Variants in SYT3 observed in about 807,000 individuals in gnomAD.
SYT3 encodes synaptotagmin 3.
SYT3 carries 25 observed loss-of-function variants against 50.6 expected under a neutral mutation model. The observed-to-expected ratio is 0.49, with a 90% CI of 0.36 to 0.69. The LOEUF is 0.69. Among genes scored for constraint, SYT3 ranks in the 30% least tolerant of loss-of-function variants. The pLI, the probability that SYT3 is intolerant of heterozygous loss-of-function variation, is 0.00. For missense variants in SYT3, 589 were observed against 793.6 expected (o/e 0.74, Z 3.10); for synonymous variants, 323 against 353.9 (o/e 0.91, Z 0.98).
At chr19:50,634,377 T>C (rs761411149) in intron 3 of SYT3, among the ~76,000 whole-genome samples, 1 of 152,228 alleles carries the variant, frequency 6.6e-6, no homozygotes, top group Non-Finnish European at 1.5e-5. Context: ...GGTTGCCTTC[T>C]GGTCCTGTAC....
upstream of SYT3, among the ~76,000 whole-genome samples, chr19:50,641,520 A>T (rs545550658): frequency 1.3e-5 from 2 of 151,596 alleles, no homozygotes; most frequent in Non-Finnish European, 2.9e-5. Context: ...ACTGCATTCC[A>T]TCCAGCCTGG....
At chr19:50,655,939 C>A in the SYT3 span, 1 of 1,002,728 alleles carries the variant, frequency 1.0e-6, no homozygotes, top group South Asian at 1.4e-5. Flanking sequence ...CAACATCTGG[C>A]ATACAAGCTA....
chr19:50,633,152 T>C (rs1984381898), intron 3 of SYT3, among the ~76,000 whole-genome samples: 1 of 151,448 alleles, frequency 6.6e-6, no homozygotes, highest in Admixed American at 6.6e-5. Context: ...TGGCTAACTT[T>C]TAAATTTTTC....
chr19:50,637,688 A>G lies in SYT3; in HGVS notation c.-15-262T>C. On this transcript the variant is annotated intron_variant, in intron 2 of 10. Transcript: ENST00000600079. The surrounding 1 kb of genome is among the most constrained non-coding windows in gnomAD (Gnocchi z 4.9). Reference sequence around the variant, plus strand: ...ATTAGGGATGGAGATAGTAGCAGGGACTGGGTAAGTCAAGGGGACAGAGAT... The same window carrying G: ...ATTAGGGATGGAGATAGTAGCAGGGGCTGGGTAAGTCAAGGGGACAGAGAT... 1 of 378,184 alleles carries G rather than the reference A, an allele frequency of 2.6e-6. No homozygotes were observed. The allele number at this position is 378,184 out of a possible 1,614,324, so 23.4% of individuals were successfully genotyped here.
At position 50,637,303 on chromosome 19, in the gene SYT3, T is replaced by C; in HGVS notation, c.109A>G (p.Asn37Asp). 2.5e-6 allele frequency: 4 copies of C among 1,613,372 alleles called. No homozygotes were observed. The highest frequency in any genetic ancestry group is 3.4e-6 in the Non-Finnish European group (4 of 1,179,874). The change falls in exon 3 of 11, where the codon AAT becomes GAT. Residue 37 changes from asparagine to aspartate, a missense_variant. Asn to Asp is a conservative substitution (Grantham distance 23). Transcript: ENST00000600079. This position sits in a 1 kb window ranked among gnomAD's most constrained non-coding sequence, Gnocchi z 4.9. ...ADTNDRCQEF[N>D]DRIRGYPRGP... ...CGGGGATAGCCTCGGATTCGGTCAT[T>C]GAACTCCTGGCACCTGTCGTTGGTG...
In SYT3 at chr19:50,625,262, C is replaced by T. The variant is rs548116502; in HGVS notation, c.1607G>A (p.Arg536His). 1.2e-5 allele frequency: 18 copies of T among 1,548,786 alleles called. No homozygotes were observed. Among genetic ancestry groups the T allele is most frequent in the Admixed American group, 3.9e-5 (2 of 50,974 alleles). The stretch of plus-strand genomic sequence containing the variant: ...CGGGTCGGCAGCGTCGGGGCCCACA[C>T]GGCACACGCCGATCACCTCGTTGTG... ...IGHNEVIGVC[R>H]VGPDAADPHG... Residue 536 changes from arginine to histidine, a missense_variant, in exon 9 of 11, where the codon CGT becomes CAT. Arg to His is a conservative substitution (Grantham distance 29). Transcript: ENST00000600079. The surrounding 1 kb of genome is among the most constrained non-coding windows in gnomAD (Gnocchi z 7.5).
At chr19:50,656,329 C>T in the SYT3 span, 1 of 1,536,008 alleles carries the variant, frequency 6.5e-7, no homozygotes, top group East Asian at 2.4e-5. Context: ...GCCCCTCTGC[C>T]TCTGCATGGA....
upstream of SYT3, among the ~76,000 whole-genome samples, chr19:50,642,536 T>A (rs1984698208): frequency 6.6e-6 from 1 of 152,162 alleles, no homozygotes; most frequent in African/African-American, 2.4e-5. Context: ...AATAATACTT[T>A]AAAAAATCAT....
At chr19:50,656,064 G>T in the SYT3 span, 8 of 1,536,022 alleles carry the variant, frequency 5.2e-6, no homozygotes, top group Middle Eastern at 1.7e-4. Context: ...CCTCCTTATG[G>T]ACCTGGAGAC....
the SYT3 span, among the ~76,000 whole-genome samples, chr19:50,648,627 C>G: frequency 4.0e-3 from 608 of 150,590 alleles, 2 homozygotes; most frequent in African/African-American, 0.014. Flanking sequence ...CCTCTCCTCC[C>G]TCAGACCCAG....
chr19:50,629,369 C>T lies in SYT3; in HGVS notation c.1206G>A (p.Val402=). 5 of 1,613,838 alleles carry T rather than the reference C, an allele frequency of 3.1e-6. No individual in the cohort carries two copies. Among genetic ancestry groups the T allele is most frequent in the Non-Finnish European group, 2.5e-6 (3 of 1,179,888 alleles). ...CGGCCAGCTCCAGGAGGTTGTCCAG[C>T]ACCACCTGGCCGATGAGGTCGTGCC... ...FSRHDLIGQV[V]LDNLLELAEQ... The change falls in exon 6 of 11, where the codon GTG becomes GTA. Residue 402 remains valine (V), a synonymous_variant. Transcript: ENST00000600079.
Position 50,632,782 on chromosome 19 carries a change from C to T in SYT3, c.178G>A (p.Val60Met), listed in dbSNP as rs1445605414. 6.6e-7 allele frequency: 1 copy of T among 1,519,246 alleles called. No homozygotes were observed. Among genetic ancestry groups the T allele is most frequent in the Non-Finnish European group, 8.8e-7 (1 of 1,135,524 alleles). The allele number at this position is 1,519,246 out of a possible 1,614,324, so 94.1% of individuals were successfully genotyped here. ...AGAAGGACAATGCCACAGAATGTCA[C>T]GATGACCGACAGCAGGCTCACGGAG... is the stretch of plus-strand genomic sequence containing the variant. Reference protein sequence around the residue: ...DISVSLLSVIVTFCGIVLLGV... With the variant: ...DISVSLLSVIMTFCGIVLLGV... The change falls in exon 4 of 11, where the codon GTG (valine) becomes ATG (methionine). Residue 60 changes from valine (V) to methionine (M), a missense_variant. Around this residue, in one of 2 missense-constraint regions of SYT3, gnomAD observed 316 missense variants for 354.3 expected, o/e 0.89. Coordinates refer to ENST00000600079, the MANE Select transcript of SYT3 (RefSeq NM_001160329.2). This position sits in a 1 kb window ranked among gnomAD's most constrained non-coding sequence, Gnocchi z 4.7.
Position 50,632,816 on chromosome 19 carries a change from A to G in SYT3, c.149-5T>C. 6.7e-7 allele frequency: 1 copy of G among 1,503,618 alleles called. No individual in the cohort carries two copies. Among genetic ancestry groups the G allele is most frequent in the South Asian group, 1.3e-5 (1 of 75,944 alleles). 93.1% of individuals were successfully genotyped at this position (1,503,618 alleles called of 1,614,324 possible). A position where few individuals can be genotyped will look rare whatever the true frequency, so the allele number is the denominator to read the frequency against. On this transcript the variant is annotated splice_polypyrimidine_tract_variant and splice_region_variant and intron_variant, in intron 3 of 10. Coordinates refer to ENST00000600079, the MANE Select transcript of SYT3 (RefSeq NM_001160329.2). The surrounding 1 kb of genome is among the most constrained non-coding windows in gnomAD (Gnocchi z 4.7). ...ACAGCAGGCTCACGGAGATGTCTGG[A>G]GAGAACGAGGACAGAGGTAGGGGTC...
the SYT3 span, among the ~76,000 whole-genome samples, chr19:50,652,592 G>A: frequency 3.3e-5 from 5 of 152,140 alleles, no homozygotes; most frequent in Admixed American, 6.6e-5. Flanking sequence ...GAAAAACAGC[G>A]TTTTTGGACT....
At chr19:50,631,527 G>A (rs973930514) in intron 4 of SYT3, among the ~76,000 whole-genome samples, 4 of 152,080 alleles carry the variant, frequency 2.6e-5, no homozygotes, top group Admixed American at 6.6e-5. Context: ...TGCCCTGGCT[G>A]TCCCCTTGGT....
rs1272733717 is a variant in SYT3 at position 50,625,725 on chromosome 19, C to CTT, written c.1403-162_1403-161insAA. The stretch of plus-strand genomic sequence containing the variant: ...CCCAAGAGTCCAGACCCCAGGTCCT[C>CTT]CTCTCTCCGACCCAGGAGTCCAGGC... On this transcript the variant is annotated intron_variant, in intron 7 of 10. Transcript: ENST00000600079. The surrounding 1 kb of genome is among the most constrained non-coding windows in gnomAD (Gnocchi z 7.5). Among the ~76,000 whole-genome samples the CTT allele has an allele frequency of 6.7e-6, 1 of 149,874 alleles. No homozygotes were observed. The highest frequency in any genetic ancestry group is 1.5e-5 in the Non-Finnish European group (1 of 67,288).
Position 50,632,368 on chromosome 19 carries a change from A to C in SYT3, c.592T>G (p.Leu198Val). Residue 198 changes from leucine to valine, a missense_variant, in exon 4 of 11, where the codon TTG becomes GTG. Physicochemically the swap from Leu to Val is conservative, Grantham distance 32. This residue lies in a region of SYT3 where 316 missense variants were observed against 354.3 expected (regional missense o/e 0.89). Coordinates refer to ENST00000600079, the MANE Select transcript of SYT3 (RefSeq NM_001160329.2). The surrounding 1 kb of genome is among the most constrained non-coding windows in gnomAD (Gnocchi z 4.7). ...LPSEGGAGSG[L>V]LLLPPSGGGL... ...CCACCACTGGGGGGCAGCAGGAGCA[A>C]CCCAGAGCCTGCTCCCCCCTCAGAG... 6.2e-7 allele frequency: 1 copy of C among 1,612,248 alleles called. No individual in the cohort carries two copies. The highest frequency in any genetic ancestry group is 8.5e-7 in the Non-Finnish European group (1 of 1,178,746).
rs977750841 is a variant in SYT3, at chr19:50,625,092, T to C, written c.1707+70A>G. 2 of 1,420,298 alleles carry C rather than the reference T, an allele frequency of 1.4e-6. No individual in the cohort carries two copies. Among genetic ancestry groups the C allele is most frequent in the Non-Finnish European group, 1.8e-6 (2 of 1,082,012 alleles). 88.0% of individuals were successfully genotyped at this position (1,420,298 alleles called of 1,614,324 possible). On this transcript the variant is annotated intron_variant, in intron 9 of 10. Transcript: ENST00000600079. The surrounding 1 kb of genome is among the most constrained non-coding windows in gnomAD (Gnocchi z 7.5). ...TGCGACTCACGAACATGCAGGGCGTTCGTTGCATGGATGAAGGGGCCGAGG... is the reference window on the plus strand; with the variant it reads ...TGCGACTCACGAACATGCAGGGCGTCCGTTGCATGGATGAAGGGGCCGAGG...
In SYT3 at chr19:50,629,806, C is replaced by T. The variant is rs370714728; in HGVS notation, c.1040G>A (p.Arg347His). The T allele has an allele frequency of 6.2e-7, 1 of 1,612,984 alleles. No individual in the cohort carries two copies. Among genetic ancestry groups the T allele is most frequent in the Non-Finnish European group, 8.5e-7 (1 of 1,179,388 alleles). The stretch of plus-strand genomic sequence containing the variant: ...GACCTTGGTCTGAAACTTTTTCTTG[C>T]GGTCAGGCAGCAGGTAGATCTTGAC... Reference protein sequence around the residue: ...PYVKIYLLPDRKKKFQTKVHR... With the variant: ...PYVKIYLLPDHKKKFQTKVHR... Residue 347 changes from arginine to histidine, a missense_variant, in exon 5 of 11, where the codon CGC becomes CAC. By Grantham distance (29) the Arg-to-His change is conservative (BLOSUM62 0). Transcript: ENST00000600079.
Sources: gnomAD v4.1 joint callset for allele counts (sites outside exome capture counted in the v4.1 genomes callset) on GRCh38, gnomAD v4.1.1 for gene constraint, gnomAD v4.1.1 regional missense constraint, Gnocchi (gnomAD v3.1) non-coding constraint, MANE v1.5 for transcripts, NCBI Gene and HGNC (gene_info 2026-07-23, HGNC 2026-07-21) for gene names.